TMEM8B: variants seen among roughly 807,000 people sequenced by gnomAD.
TMEM8B encodes nasopharyngeal carcinoma expressed 6.
Under a neutral mutation model 49.3 loss-of-function variants are expected in TMEM8B, and 29 were observed. That is an observed-to-expected ratio of 0.59 (90% CI 0.44 to 0.80). The LOEUF (loss-of-function observed/expected upper bound fraction) is 0.80, where lower values mean the gene tolerates loss of function less well. TMEM8B is among the 30% of genes least tolerant of loss of function. The pLI is 0.00. For missense variants in TMEM8B, 575 were observed against 658.5 expected, an observed-to-expected ratio of 0.87 and a Z score of 1.39; for synonymous variants, 264 against 272.8, an observed-to-expected ratio of 0.97 and a Z score of 0.32.
In TMEM8B at chr9:35,857,981, A is replaced by G. The variant is rs1268534387; in HGVS notation, c.*4141A>G. ...CCATGGAGCTTGCACTTGGCCCAGC[A>G]CTCAGCACAGTGGAAGGAGGTGACC... On this transcript the variant is annotated 3_prime_UTR_variant, in exon 13 of 13. Coordinates refer to ENST00000643932, the MANE Select transcript of TMEM8B (RefSeq NM_001042590.4). 6.6e-6 allele frequency: 1 copy of G among 152,208 alleles called. No homozygotes were observed. The highest frequency in any genetic ancestry group is 2.4e-5 in the African/African-American group (1 of 41,358). 9.4% of individuals were successfully genotyped at this position (152,208 alleles called of 1,614,324 possible).
intron 1 of TMEM8B, among the ~76,000 whole-genome samples, chr9:35,833,038 G>T (rs1830072193): frequency 6.6e-6 from 1 of 152,180 alleles, no homozygotes; most frequent in South Asian, 2.1e-4. Flanking sequence ...TAGTCCTTGA[G>T]TGTAACCGTG....
Position 35,861,395 on chromosome 9 carries a change from C to T in TMEM8B, c.*7555C>T, listed in dbSNP as rs1832652025. ...CCAGCACTGCTCCATCTCTTTTCCT[C>T]CCTCTCCTTCCCCTTGCTGTTACCT... On this transcript the variant is annotated 3_prime_UTR_variant, in exon 13 of 13. Coordinates refer to ENST00000643932, the MANE Select transcript of TMEM8B (RefSeq NM_001042590.4). 6.5e-6 allele frequency: 1 copy of T among 153,082 alleles called. No individual in the cohort carries two copies. The allele number at this position is 153,082 out of a possible 1,614,324, so 9.5% of individuals were successfully genotyped here.
At chr9:35,843,530 A>G (rs947011788) in intron 6 of TMEM8B, among the ~76,000 whole-genome samples, 5 of 152,186 alleles carry the variant, frequency 3.3e-5, no homozygotes, top group African/African-American at 1.2e-4. Flanking sequence ...CCGGGGTACC[A>G]GGTAACAAGA....
In TMEM8B at chr9:35,841,746, C is replaced by T. The variant is rs923191975; in HGVS notation, c.1261C>T (p.Arg421Trp). 14 of 415,834 alleles carry T rather than the reference C, an allele frequency of 3.4e-5. No homozygotes were observed. The highest frequency in any genetic ancestry group is 8.8e-5 in the Admixed American group (2 of 22,730). The allele number at this position is 415,834 out of a possible 1,614,324, so 25.8% of individuals were successfully genotyped here. The stretch of plus-strand genomic sequence containing the variant: ...CTACGTGCGTGTGGAAACATCATCC[C>T]GGGGCCCTGGTAGGACCATCCGCTT... ...WVYVRVETSSRGPGRTIRFQL... is the reference protein window; with the variant it reads ...WVYVRVETSSWGPGRTIRFQL... Residue 421 changes from arginine (R) to tryptophan (W), a missense_variant, in exon 5 of 13, where the codon CGG becomes TGG. Transcript: ENST00000643932. The surrounding 1 kb of genome is among the most constrained non-coding windows in gnomAD (Gnocchi z 5.9).
At chr9:35,848,219 T>G (rs1202708308) in intron 10 of TMEM8B, among the ~76,000 whole-genome samples, 1 of 152,208 alleles carries the variant, frequency 6.6e-6, no homozygotes, top group Non-Finnish European at 1.5e-5. Flanking sequence ...AGAGAGATCT[T>G]GGCCCTTTAA....
intron 10 of TMEM8B, among the ~76,000 whole-genome samples, 193 bp from the exon 11 acceptor site, chr9:35,852,634 G>A (rs1832253171): frequency 6.6e-6 from 1 of 152,156 alleles, no homozygotes; most frequent in Non-Finnish European, 1.5e-5. Context: ...TATTAGTTAT[G>A]TAGCAGACTG....
rs987320205 is a variant in TMEM8B at position 35,853,088 on chromosome 9, G to A, written c.2323-53G>A. 1 of 1,608,612 alleles carries A rather than the reference G, an allele frequency of 6.2e-7. No individual in the cohort carries two copies. Among genetic ancestry groups the A allele is most frequent in the African/African-American group, 1.3e-5 (1 of 74,802 alleles). On this transcript the variant is annotated intron_variant, in intron 11 of 12. Coordinates refer to ENST00000643932, the MANE Select transcript of TMEM8B (RefSeq NM_001042590.4). This position sits in a 1 kb window ranked among gnomAD's most constrained non-coding sequence, Gnocchi z 4.2. The stretch of plus-strand genomic sequence containing the variant: ...CTCTCATGATTCTGACCCAGGCCCT[G>A]GAGTGCTGTCTGTCACCTGGCCCTA...
intron 8 of TMEM8B, 39 bp downstream of exon 8, chr9:35,846,420 C>G (rs754792358): frequency 9.6e-5 from 153 of 1,601,202 alleles, no homozygotes; most frequent in Non-Finnish European, 1.2e-4. Flanking sequence ...GGGACCGGGA[C>G]TTGGCGGGGG....
At chr9:35,844,468 C>T (rs1336731735) in intron 6 of TMEM8B, among the ~76,000 whole-genome samples, 1 of 152,246 alleles carries the variant, frequency 6.6e-6, no homozygotes. Flanking sequence ...ATCAGCCAAC[C>T]TGAGGCCTGG....
In TMEM8B at chr9:35,853,571, T is replaced by G; in HGVS notation, c.2506T>G (p.Cys836Gly). ...PTWRRWLFYL[C>G]PGSLIAGSAV... ...GTGGCGCCGCTGGCTTTTCTACTTGTGCCCTGGCAGCCTTATTGCAGGCAG... is the reference window on the plus strand; with the variant it reads ...GTGGCGCCGCTGGCTTTTCTACTTGGGCCCTGGCAGCCTTATTGCAGGCAG... Residue 836 changes from cysteine (C) to glycine (G), a missense_variant, in exon 13 of 13, where the codon TGC becomes GGC. By Grantham distance (159) the Cys-to-Gly change is radical. Coordinates refer to ENST00000643932, the MANE Select transcript of TMEM8B (RefSeq NM_001042590.4). This position sits in a 1 kb window ranked among gnomAD's most constrained non-coding sequence, Gnocchi z 4.2. 3 of 1,614,250 alleles carry G rather than the reference T, an allele frequency of 1.9e-6. No individual in the cohort carries two copies.
intron 1 of TMEM8B, 74 bp from the exon 2 acceptor site, chr9:35,834,387 G>T: frequency 2.5e-6 from 1 of 404,646 alleles, no homozygotes. Context: ...TGGTGAGGAA[G>T]ACTGGCATGC....
In TMEM8B at chr9:35,850,774, A is replaced by T. The variant is rs569606945; in HGVS notation, c.2176-2053A>T. The stretch of plus-strand genomic sequence containing the variant: ...ATATATATCTTCCTTTGTCTGAAAT[A>T]TAGTACAAATCTCTCTCCCAGAAAC... On this transcript the variant is annotated intron_variant, in intron 10 of 12. Coordinates refer to ENST00000643932, the MANE Select transcript of TMEM8B (RefSeq NM_001042590.4). Among the ~76,000 whole-genome samples the T allele has an allele frequency of 2.0e-5, 3 of 152,320 alleles. No individual in the cohort carries two copies. The East Asian group carries it at 5.8e-4, about 29-fold the overall frequency.
rs1832402686 is a variant in TMEM8B at position 35,854,111 on chromosome 9, AGGTGT to A, written c.*274_*278del. Reference sequence around the variant, plus strand: ...CTCAGGACCAAGGAGTCCCTCCTGCAGGTGTGGAGCCTTTCCTGGGATGCAGAGCC... The same window carrying A: ...CTCAGGACCAAGGAGTCCCTCCTGCAGGAGCCTTTCCTGGGATGCAGAGCC... On this transcript the variant is annotated 3_prime_UTR_variant, in exon 13 of 13. Transcript: ENST00000643932. The A allele has an allele frequency of 2.0e-6, 2 of 1,009,626 alleles. No homozygotes were observed. Among genetic ancestry groups the A allele is most frequent in the Non-Finnish European group, 2.5e-6 (2 of 792,554 alleles). 62.5% of individuals were successfully genotyped at this position (1,009,626 alleles called of 1,614,324 possible).
In TMEM8B at chr9:35,845,522, G is replaced by T. The variant is rs545798525; in HGVS notation, c.1636-453G>T. 113 of 985,292 alleles carry T rather than the reference G, an allele frequency of 1.1e-4. 2 individuals are homozygous for T. Among genetic ancestry groups the T allele is most frequent in the South Asian group, 3.3e-4 (7 of 21,284 alleles). 61.0% of individuals were successfully genotyped at this position (985,292 alleles called of 1,614,324 possible). A position where few individuals can be genotyped will look rare whatever the true frequency, so the allele number is the denominator to read the frequency against. On this transcript the variant is annotated intron_variant, in intron 6 of 12. Coordinates refer to ENST00000643932, the MANE Select transcript of TMEM8B (RefSeq NM_001042590.4). ...TCTGTTACCACTGTTCAGTACCTAG[G>T]ATCATTTCACCTGAGTTGGAGTGAG... is the stretch of plus-strand genomic sequence containing the variant.
At position 35,853,883 on chromosome 9, in the gene TMEM8B, T is replaced by G; in HGVS notation, c.*43T>G. 6.7e-7 allele frequency: 1 copy of G among 1,498,812 alleles called. No homozygotes were observed. 92.8% of individuals were successfully genotyped at this position (1,498,812 alleles called of 1,614,324 possible). A position where few individuals can be genotyped will look rare whatever the true frequency, so the allele number is the denominator to read the frequency against. On this transcript the variant is annotated 3_prime_UTR_variant, in exon 13 of 13. Transcript: ENST00000643932. The surrounding 1 kb of genome is among the most constrained non-coding windows in gnomAD (Gnocchi z 4.2). ...GCCCTGAGGGGATATGAATGCTTCCTAGAGTTCTTTCTGGGGGTGTGGAGC... is the reference window on the plus strand; with the variant it reads ...GCCCTGAGGGGATATGAATGCTTCCGAGAGTTCTTTCTGGGGGTGTGGAGC...
At chr9:35,848,666 GTTTTTTTTCTTTT>G (rs1443004476) in intron 10 of TMEM8B, among the ~76,000 whole-genome samples, 2 of 139,190 alleles carry the variant, frequency 1.4e-5, no homozygotes, top group African/African-American at 5.1e-5. Context: ...TTCTTTCTTT[GTTTTTTTTCTTTT>G]TTTTTTTTTT....
In TMEM8B at chr9:35,838,801, A is replaced by T. The variant is rs183870356; in HGVS notation, c.907-2333A>T. Among the ~76,000 whole-genome samples, 346 of 152,286 alleles carry T rather than the reference A, an allele frequency of 2.3e-3. 2 individuals are homozygous for T. Among genetic ancestry groups the T allele is most frequent in the Non-Finnish European group, 3.4e-3 (232 of 68,018 alleles). On this transcript the variant is annotated intron_variant, in intron 3 of 12. Transcript: ENST00000643932. ...CACCCATTGCTCAAGCCCCAAATTA[A>T]ATGCCCCAAATCCTTGATTTTTCTT...
At chr9:35,849,800 TA>T (rs1831974677) in intron 10 of TMEM8B, among the ~76,000 whole-genome samples, 2 of 152,224 alleles carry the variant, frequency 1.3e-5, no homozygotes, top group Admixed American at 1.3e-4. Flanking sequence ...AAAATACAAC[TA>T]AGCCAAATAT....
intron 1 of TMEM8B, among the ~76,000 whole-genome samples, chr9:35,832,839 G>A (rs928694970): frequency 2.0e-5 from 3 of 152,050 alleles, no homozygotes; most frequent in South Asian, 2.1e-4. Context: ...CACAGCTAGG[G>A]TTCCTAGGAA....
Sources: allele counts gnomAD v4.1 joint callset (sites outside exome capture counted in the v4.1 genomes callset), GRCh38; gene constraint gnomAD v4.1.1; non-coding constraint Gnocchi (gnomAD v3.1); transcripts MANE v1.5; gene names NCBI Gene and HGNC (gene_info 2026-07-23, HGNC 2026-07-21).